CTNNA2: variants seen among roughly 807,000 people sequenced by gnomAD.
CTNNA2 encodes catenin alpha-2.
In CTNNA2, 42 loss-of-function variants were observed where a neutral mutation model predicts 101.0. The ratio of observed to expected loss-of-function variants is 0.42; its 90% CI spans 0.32 to 0.54. The LOEUF (loss-of-function observed/expected upper bound fraction) is 0.54. Among genes scored for constraint, CTNNA2 ranks in the 20% least tolerant of loss-of-function variants. CTNNA2 has a pLI of 0.14. For synonymous variants in CTNNA2, 450 were observed against 456.4 expected (o/e 0.99, Z 0.18); for missense variants, 871 against 1,223.1 (o/e 0.71, Z 4.29).
chr2:80,645,307 T>G (rs1248414154), intron 18 of CTNNA2, among the ~76,000 whole-genome samples: 1 of 152,152 alleles, frequency 6.6e-6, no homozygotes, highest in Admixed American at 6.6e-5. Context: ...TCCTGATTGT[T>G]CCCAACATTT....
intron 4 of CTNNA2, among the ~76,000 whole-genome samples, chr2:79,503,339 G>A (rs866614373): frequency 1.3e-5 from 2 of 152,088 alleles, no homozygotes; most frequent in African/African-American, 2.4e-5. Flanking sequence ...GGAAACACTC[G>A]AAATGTAGAT....
At chr2:79,576,403 A>C (rs1675801873) in intron 1 of CTNNA2, among the ~76,000 whole-genome samples, 1 of 152,192 alleles carries the variant, frequency 6.6e-6, no homozygotes, top group East Asian at 1.9e-4. Flanking sequence ...AATGAACTAA[A>C]TATCTATTCT....
chr2:79,715,684 T>C (rs1686048400), intron 2 of CTNNA2, among the ~76,000 whole-genome samples: 1 of 151,974 alleles, frequency 6.6e-6, no homozygotes, highest in Admixed American at 6.6e-5. Context: ...ATTCATCAAT[T>C]AGAGGAAATG....
At chr2:80,342,675 GA>G (rs1440179190) in intron 7 of CTNNA2, among the ~76,000 whole-genome samples, 10 of 151,376 alleles carry the variant, frequency 6.6e-5, no homozygotes, top group Non-Finnish European at 1.2e-4. Context: ...TTCAAATTAT[GA>G]AAAAAAATGC....
intron 9 of CTNNA2, among the ~76,000 whole-genome samples, chr2:80,506,296 T>G (rs972687635): frequency 1.3e-5 from 2 of 151,824 alleles, no homozygotes; most frequent in Non-Finnish European, 2.9e-5. Flanking sequence ...TTGGTAGAAG[T>G]GAGATAAAAT....
chr2:80,189,219 G>T (rs544591108), intron 7 of CTNNA2, among the ~76,000 whole-genome samples: 18 of 152,276 alleles, frequency 1.2e-4, no homozygotes, highest in African/African-American at 4.3e-4. Flanking sequence ...CTTCCAAAGT[G>T]CTGGGATTAC....
intron 2 of CTNNA2, chr2:79,697,860 C>T (rs1684742434): frequency 6.6e-6 from 1 of 151,832 alleles, no homozygotes; most frequent in Non-Finnish European, 1.5e-5. Context: ...TGGCATACCA[C>T]TTATTATACA....
At chr2:80,149,917 C>A (rs761637449) in intron 7 of CTNNA2, among the ~76,000 whole-genome samples, 8 of 152,062 alleles carry the variant, frequency 5.3e-5, no homozygotes, top group Non-Finnish European at 1.2e-4. Flanking sequence ...ACACAAAAAA[C>A]ACATGCCTGA....
At chr2:80,272,195 A>T (rs773118944) in intron 7 of CTNNA2, among the ~76,000 whole-genome samples, 10 of 152,220 alleles carry the variant, frequency 6.6e-5, no homozygotes, top group Non-Finnish European at 1.2e-4. Context: ...AGTTCACTAA[A>T]TTCGTTTAAA....
chr2:79,351,340 G>C (rs964021371), intron 3 of CTNNA2, among the ~76,000 whole-genome samples: 2 of 152,144 alleles, frequency 1.3e-5, no homozygotes, highest in African/African-American at 4.8e-5. Context: ...AGAAATGGGA[G>C]TCTAGTTTCA....
chr2:80,108,650 T>C (rs1701028853), intron 7 of CTNNA2, among the ~76,000 whole-genome samples: 1 of 152,208 alleles, frequency 6.6e-6, no homozygotes, highest in African/African-American at 2.4e-5. Flanking sequence ...CTAGATAAAG[T>C]AGGCTGCACA....
At chr2:79,770,727 A>C (rs1381109251) in intron 3 of CTNNA2, among the ~76,000 whole-genome samples, 2 of 152,240 alleles carry the variant, frequency 1.3e-5, no homozygotes, top group Non-Finnish European at 1.5e-5. Context: ...TTTAAACTCC[A>C]TTAGTTAAAA....
intron 7 of CTNNA2, among the ~76,000 whole-genome samples, chr2:80,284,338 A>G (rs1674592030): frequency 6.6e-6 from 1 of 152,130 alleles, no homozygotes; most frequent in Non-Finnish European, 1.5e-5. Context: ...GTAAAGGAGT[A>G]AGATAAACAA....
At chr2:79,313,056 T>A (rs1219887990) in intron 3 of CTNNA2, among the ~76,000 whole-genome samples, 4 of 152,238 alleles carry the variant, frequency 2.6e-5, no homozygotes, top group Non-Finnish European at 1.5e-5. Flanking sequence ...AAAATGCTGA[T>A]GTCTAGAGAA....
At chr2:79,761,783 T>C (rs1558906851) in intron 3 of CTNNA2, among the ~76,000 whole-genome samples, 1 of 152,236 alleles carries the variant, frequency 6.6e-6, no homozygotes, top group African/African-American at 2.4e-5. Context: ...CTTATGAACT[T>C]ACTGCTTTGG....
chr2:79,242,416 A>G (rs866169169), intron 2 of CTNNA2, among the ~76,000 whole-genome samples: 11 of 152,140 alleles, frequency 7.2e-5, no homozygotes, highest in African/African-American at 2.4e-4. Context: ...CCTAATTCGA[A>G]TTTTATGTCT....
At chr2:79,374,386 A>C (rs1278733238) in intron 4 of CTNNA2, among the ~76,000 whole-genome samples, 1 of 152,164 alleles carries the variant, frequency 6.6e-6, no homozygotes, top group African/African-American at 2.4e-5. Flanking sequence ...TTCATACTTA[A>C]CTTTTGTCAT....
chr2:80,581,996 C>T (rs1558612897), intron 14 of CTNNA2, among the ~76,000 whole-genome samples, 177 bp downstream of exon 14: 1 of 152,116 alleles, frequency 6.6e-6, no homozygotes, highest in South Asian at 2.1e-4. Context: ...AAATAACCAC[C>T]ACTGCTCCTG....
chr2:80,460,337 A>G (rs367656740), intron 9 of CTNNA2, among the ~76,000 whole-genome samples: 1 of 152,134 alleles, frequency 6.6e-6, no homozygotes, highest in Non-Finnish European at 1.5e-5. Context: ...CATATTAAGC[A>G]TGCCTATATC....
Sources: allele counts gnomAD v4.1 joint callset (sites outside exome capture counted in the v4.1 genomes callset), GRCh38; gene constraint gnomAD v4.1.1; transcripts MANE v1.5; gene names NCBI Gene and HGNC (gene_info 2026-07-23, HGNC 2026-07-21).